Variants in RBFOX2 observed in about 807,000 individuals in gnomAD.
RBFOX2 encodes the protein RNA binding protein fox-1 homolog 2.
A neutral mutation model predicts 49.1 loss-of-function variants in RBFOX2; 10 were observed. That is an observed-to-expected ratio of 0.20 (90% CI 0.13 to 0.35). The LOEUF (loss-of-function observed/expected upper bound fraction) is 0.35, where lower values mean the gene tolerates loss of function less well. Among genes scored for constraint, RBFOX2 ranks in the 10% least tolerant of loss-of-function variants. The pLI is 1.00. For missense variants in RBFOX2, 323 were observed against 486.9 expected (o/e 0.66, Z 3.17); for synonymous variants, 183 against 187.4 (o/e 0.98, Z 0.19).
chr22:35,937,623 C>T (rs765198538), intron 1 of RBFOX2, among the ~76,000 whole-genome samples: 1 of 152,154 alleles, frequency 6.6e-6, no homozygotes, highest in Non-Finnish European at 1.5e-5. Context: ...CAAAGTCTCG[C>T]TCTATCACTC....
chr22:35,854,982 T>C (rs983671283), intron 1 of RBFOX2, among the ~76,000 whole-genome samples: 3 of 152,198 alleles, frequency 2.0e-5, no homozygotes, highest in African/African-American at 7.2e-5. Context: ...CAGAATAATG[T>C]AGCCTCAGTT....
chr22:35,922,317 A>T (rs1320513092), intron 1 of RBFOX2, among the ~76,000 whole-genome samples: 1 of 152,226 alleles, frequency 6.6e-6, no homozygotes, highest in Non-Finnish European at 1.5e-5. Context: ...ATGGTGGCTC[A>T]TGCCTGTAAT....
At chr22:35,861,194 G>A (rs879429201) in intron 1 of RBFOX2, among the ~76,000 whole-genome samples, 1 of 152,154 alleles carries the variant, frequency 6.6e-6, no homozygotes, top group Non-Finnish European at 1.5e-5. Flanking sequence ...ACCTAAAAAT[G>A]TAAAAGATAA....
intron 1 of RBFOX2, among the ~76,000 whole-genome samples, chr22:35,953,029 G>C (rs2149862078): frequency 6.6e-6 from 1 of 152,008 alleles, no homozygotes; most frequent in South Asian, 2.1e-4. Flanking sequence ...GGCTAACACG[G>C]TGAAATCCCA....
intron 1 of RBFOX2, among the ~76,000 whole-genome samples, chr22:35,949,593 T>C (rs916255289): frequency 6.6e-6 from 1 of 152,256 alleles, no homozygotes. Context: ...TTCATCCTAA[T>C]GAGTGTGAAG....
intron 9 of RBFOX2, chr22:35,750,452 TTCTA>T (rs754285127): frequency 1.2e-5 from 19 of 1,603,274 alleles, no homozygotes; most frequent in East Asian, 2.2e-5. Flanking sequence ...AGTTTGCAGA[TTCTA>T]TCTGTGTGTG....
At position 35,947,760 on chromosome 22, in the gene RBFOX2, C is replaced by A. The variant is rs748119855; in HGVS notation, c.43-8863G>T. On this transcript the variant is annotated intron_variant, in intron 1 of 5. Transcript: ENST00000408983. ...ATACAAATAAAATATTTTTGTACAG[C>A]TATACAATGTGTTTATATTTTAAGC... Among the ~76,000 whole-genome samples, 39 of 145,458 alleles carry A rather than the reference C, an allele frequency of 2.7e-4. 1 individual carries two copies. Among genetic ancestry groups the A allele is most frequent in the Non-Finnish European group, 5.2e-4 (35 of 67,022 alleles).
intron 1 of RBFOX2, among the ~76,000 whole-genome samples, chr22:35,885,877 GACAGAGTCTC>G (rs2046506354): frequency 1.4e-5 from 1 of 72,056 alleles, no homozygotes; most frequent in Non-Finnish European, 2.4e-5. Context: ...TTTTTTTTGA[GACAGAGTCTC>G]ACTCTGTTGC....
intron 1 of RBFOX2, among the ~76,000 whole-genome samples, chr22:36,020,166 A>G (rs1301102121): frequency 6.6e-6 from 1 of 152,248 alleles, no homozygotes; most frequent in Non-Finnish European, 1.5e-5. Flanking sequence ...CCTATCTAAT[A>G]AACGGTGCTG....
intron 1 of RBFOX2, among the ~76,000 whole-genome samples, chr22:36,024,352 A>T (rs1419078697): frequency 6.6e-6 from 1 of 152,242 alleles, no homozygotes; most frequent in African/African-American, 2.4e-5. Flanking sequence ...AAGATGACAC[A>T]CAATTAAGCA....
chr22:35,746,496 GGCTGCAGCA>G (rs1170477000), exon 10 of RBFOX2: 10 of 1,606,408 alleles, frequency 6.2e-6, no homozygotes, highest in South Asian at 2.2e-5. Context: ...CGGCTGCAGC[GGCTGCAGCA>G]GCGGTGGCTG....
chr22:35,922,443 G>T (rs1353620018), intron 1 of RBFOX2, among the ~76,000 whole-genome samples: 1 of 152,094 alleles, frequency 6.6e-6, no homozygotes, highest in Non-Finnish European at 1.5e-5. Context: ...GCCGGGCATG[G>T]TGGCTAATTT....
In RBFOX2 at chr22:35,768,123, A is replaced by C. The variant is rs758174337; in HGVS notation, c.546+134T>G. 116 of 890,420 alleles carry C rather than the reference A, an allele frequency of 1.3e-4. 1 individual carries two copies. The highest frequency in any genetic ancestry group is 9.9e-4 in the African/African-American group (59 of 59,650). 55.2% of individuals were successfully genotyped at this position (890,420 alleles called of 1,614,324 possible). A position where few individuals can be genotyped will look rare whatever the true frequency, so the allele number is the denominator to read the frequency against. On this transcript the variant is annotated intron_variant, in intron 5 of 11. Transcript: ENST00000405409. ...ACATTTTAGTGCAAGAAGGTGAAGA[A>C]GACAGAGATACAAACACACATACAT... is the stretch of plus-strand genomic sequence containing the variant.
intron 1 of RBFOX2, among the ~76,000 whole-genome samples, chr22:36,005,087 G>A (rs897800913): frequency 2.6e-5 from 4 of 152,134 alleles, no homozygotes; most frequent in African/African-American, 9.7e-5. Context: ...GGAAGAAAAC[G>A]CATCCTGGCT....
intron 1 of RBFOX2, among the ~76,000 whole-genome samples, chr22:35,955,511 A>G (rs1285099807): frequency 7.7e-6 from 1 of 129,282 alleles, no homozygotes; most frequent in Non-Finnish European, 1.6e-5. Context: ...TTTTTGGCAC[A>G]GGGACTGGTT....
chr22:35,856,980 C>T (rs931850102), intron 1 of RBFOX2, among the ~76,000 whole-genome samples: 1 of 151,986 alleles, frequency 6.6e-6, no homozygotes, highest in Non-Finnish European at 1.5e-5. Context: ...TGCAGTGAGC[C>T]GAGATTGCAC....
At chr22:35,990,354 G>C (rs1019083331) in intron 1 of RBFOX2, among the ~76,000 whole-genome samples, 2 of 152,168 alleles carry the variant, frequency 1.3e-5, no homozygotes, top group Non-Finnish European at 2.9e-5. Flanking sequence ...AGCTGTTTAA[G>C]AGAAGGACGA....
chr22:35,989,479 A>G (rs2057871405), intron 1 of RBFOX2, among the ~76,000 whole-genome samples: 1 of 152,128 alleles, frequency 6.6e-6, no homozygotes, highest in Non-Finnish European at 1.5e-5. Context: ...TGGAGAAAAG[A>G]GTTTCAATGT....
At chr22:35,907,937 G>A (rs2049309820) in intron 1 of RBFOX2, among the ~76,000 whole-genome samples, 2 of 152,152 alleles carry the variant, frequency 1.3e-5, no homozygotes, top group African/African-American at 4.8e-5. Flanking sequence ...GTGAGCCACT[G>A]TGCTCTACCC....
Sources: allele counts gnomAD v4.1 joint callset (sites outside exome capture counted in the v4.1 genomes callset), GRCh38; gene constraint gnomAD v4.1.1; transcripts MANE v1.5; gene names NCBI Gene and HGNC (gene_info 2026-07-23, HGNC 2026-07-21).